The following MECOM variants were observed in gnomAD, a reference collection of about 807,000 sequenced individuals.
MECOM encodes histone-lysine N-methyltransferase MECOM.
In MECOM, 13 loss-of-function variants were observed where a neutral mutation model predicts 116.3. The ratio of observed to expected loss-of-function variants is 0.11; its 90% CI spans 0.07 to 0.18. The LOEUF is 0.18. MECOM is among the 10% of genes least tolerant of loss of function. MECOM has a pLI of 1.00. For missense variants in MECOM, 1,299 were observed against 1,509.0 expected (o/e 0.86, Z 2.31); for synonymous variants, 528 against 535.2 (o/e 0.99, Z 0.19).
intron 1 of MECOM, among the ~76,000 whole-genome samples, chr3:169,559,302 G>C (rs999980850): frequency 6.6e-6 from 1 of 152,142 alleles, no homozygotes; most frequent in Non-Finnish European, 1.5e-5. Context: ...AAATGAACTA[G>C]TGGGCTCCAA....
chr3:169,484,061 T>C (rs936216786), intron 1 of MECOM: 1 of 1,076,434 alleles, frequency 9.3e-7, no homozygotes, highest in African/African-American at 1.6e-5. Context: ...GTACAACCTA[T>C]AGCTACCAGG....
intron 1 of MECOM, among the ~76,000 whole-genome samples, chr3:169,642,495 G>A (rs926749551): frequency 2.0e-5 from 3 of 150,916 alleles, no homozygotes; most frequent in Non-Finnish European, 4.4e-5. Context: ...CCACTGTAGG[G>A]TAGGTTCTTA....
chr3:169,168,611 C>A (rs1331083678), intron 2 of MECOM, among the ~76,000 whole-genome samples: 1 of 151,750 alleles, frequency 6.6e-6, no homozygotes, highest in Non-Finnish European at 1.5e-5. Context: ...TACATGTAAT[C>A]TTTTTTTAAA....
chr3:169,085,214 C>A (rs1049002577), intron 16 of MECOM, among the ~76,000 whole-genome samples, 171 bp from the exon 17 acceptor site: 1 of 152,196 alleles, frequency 6.6e-6, no homozygotes, highest in Non-Finnish European at 1.5e-5. Context: ...GGGATTACTG[C>A]TGGCCTTTAG....
chr3:169,633,403 A>G (rs185217576), intron 1 of MECOM, among the ~76,000 whole-genome samples: 15 of 152,312 alleles, frequency 9.8e-5, no homozygotes, highest in Non-Finnish European at 1.8e-4. Context: ...ATCTTAGCAG[A>G]AGATAGATGT....
intron 1 of MECOM, chr3:169,623,796 CACACACACACACAT>C (rs950315536): frequency 3.3e-5 from 5 of 150,854 alleles, no homozygotes; most frequent in Admixed American, 6.6e-5. Flanking sequence ...TCTCCTAAAA[CACACACACACACAT>C]ACACACACAC....
intron 2 of MECOM, among the ~76,000 whole-genome samples, chr3:169,349,120 A>G (rs955810536): frequency 3.0e-5 from 4 of 133,236 alleles, no homozygotes; most frequent in Non-Finnish European, 6.2e-5. Flanking sequence ...TCTTAGACGC[A>G]TTTGGTAACA....
At chr3:169,274,005 G>C (rs1469857517) in intron 2 of MECOM, among the ~76,000 whole-genome samples, 2 of 146,494 alleles carry the variant, frequency 1.4e-5, no homozygotes, top group Non-Finnish European at 3.0e-5. Context: ...TCTGCCTCCC[G>C]GGTTCAAGTG....
chr3:169,404,164 T>A (rs1006835779), intron 1 of MECOM, among the ~76,000 whole-genome samples: 1 of 152,232 alleles, frequency 6.6e-6, no homozygotes, highest in African/African-American at 2.4e-5. Flanking sequence ...AGTTTTAAAA[T>A]TTTTTTAAAT....
intron 1 of MECOM, among the ~76,000 whole-genome samples, chr3:169,504,020 A>G (rs1158352549): frequency 1.3e-5 from 2 of 152,146 alleles, no homozygotes. Context: ...CCATCCAAAA[A>G]CTGAATCCCA....
intron 2 of MECOM, among the ~76,000 whole-genome samples, chr3:169,162,859 T>C (rs1743046853): frequency 6.6e-6 from 1 of 152,150 alleles, no homozygotes; most frequent in African/African-American, 2.4e-5. Context: ...ATGAAAGCAG[T>C]AAGAGTAATT....
At chr3:169,316,243 A>G (rs1478691618) in intron 2 of MECOM, among the ~76,000 whole-genome samples, 4 of 152,272 alleles carry the variant, frequency 2.6e-5, no homozygotes, top group Non-Finnish European at 5.9e-5. Flanking sequence ...GTTGCCAAAT[A>G]AACACACAGC....
In MECOM at chr3:169,381,270, T is replaced by C; in HGVS notation, c.292A>G (p.Arg98Gly). 6.2e-7 allele frequency: 1 copy of C among 1,613,856 alleles called. No individual in the cohort carries two copies. The change falls in exon 2 of 17, where the codon AGG becomes GGG. Residue 98 changes from arginine to glycine, a missense_variant. Transcript: ENST00000651503. ...PGAGLGIWTK[R>G]KIEVGEKFGP... ...AACTTTTCACCTACTTCGATCTTCC[T>C]TTTGGTCCATATTCCTAGTCCTGCC...
chr3:169,507,649 G>GTTTTTT (rs1491033517), intron 1 of MECOM, among the ~76,000 whole-genome samples: 1 of 65,098 alleles, frequency 1.5e-5, no homozygotes, highest in African/African-American at 7.0e-5. Context: ...ATCCCCACTT[G>GTTTTTT]CTTTTTTTTT....
At chr3:169,128,144 A>G (rs1447394418) in intron 4 of MECOM, 84 bp from the exon 5 acceptor site, 3 of 1,110,562 alleles carry the variant, frequency 2.7e-6, no homozygotes, top group Non-Finnish European at 4.1e-6. Flanking sequence ...TTTACAAGAC[A>G]TAATAGGTAT....
chr3:169,255,713 T>C (rs913155820), intron 2 of MECOM, among the ~76,000 whole-genome samples: 3 of 152,164 alleles, frequency 2.0e-5, no homozygotes, highest in African/African-American at 7.2e-5. Flanking sequence ...CTTCACATAC[T>C]ACTGACTTCT....
chr3:169,501,556 G>C (rs1277775049), intron 1 of MECOM, among the ~76,000 whole-genome samples: 1 of 152,010 alleles, frequency 6.6e-6, no homozygotes, highest in Non-Finnish European at 1.5e-5. Flanking sequence ...AATAAAAAAT[G>C]TTTACATGCC....
chr3:169,089,117 G>T lies in MECOM; in HGVS notation c.3468C>A (p.Ser1156Arg), dbSNP rs188906524. The T allele has an allele frequency of 1.2e-6, 2 of 1,608,696 alleles. No homozygotes were observed. Among genetic ancestry groups the T allele is most frequent in the African/African-American group, 2.7e-5 (2 of 74,636 alleles). ...ALDHIRHFTD[S>R]LKMRKMEDNQ... ...TATCTTCCATTTTCCTCATTTTGAG[G>T]CTATCTGTGAAGTGCCTTATATGAT... The change falls in exon 16 of 17, where the codon AGC (serine) becomes AGA (arginine). Residue 1156 changes from serine (S) to arginine (R), a missense_variant. Ser to Arg is a moderately radical substitution (Grantham distance 110). Around this residue, in one of 6 missense-constraint regions of MECOM, gnomAD observed 273 missense variants for 289.3 expected, o/e 0.94. Coordinates refer to ENST00000651503, the MANE Select transcript of MECOM (RefSeq NM_004991.4).
At chr3:169,399,052 A>G (rs946720173) in intron 1 of MECOM, among the ~76,000 whole-genome samples, 6 of 152,134 alleles carry the variant, frequency 3.9e-5, no homozygotes, top group African/African-American at 1.4e-4. Context: ...ACGTACCTCA[A>G]AACATATCCT....
Sources: gnomAD v4.1 joint callset for allele counts (sites outside exome capture counted in the v4.1 genomes callset) on GRCh38, gnomAD v4.1.1 for gene constraint, gnomAD v4.1.1 regional missense constraint, MANE v1.5 for transcripts, NCBI Gene and HGNC (gene_info 2026-07-23, HGNC 2026-07-21) for gene names.